The following DNAH1 variants were observed in gnomAD, a reference collection of about 807,000 sequenced individuals.
DNAH1 encodes the protein axonemal beta dynein heavy chain 1.
In DNAH1, 327 loss-of-function variants were observed where a neutral mutation model predicts 484.3. The ratio of observed to expected loss-of-function variants is 0.68; its 90% CI spans 0.62 to 0.74. The LOEUF is 0.74. Ranked by LOEUF, DNAH1 falls within the 30% of genes least tolerant of loss-of-function variation. The pLI, the probability that DNAH1 is intolerant of heterozygous loss-of-function variation, is 0.00. For missense variants in DNAH1, 5,052 were observed against 5,546.8 expected (o/e 0.91, Z 2.83); for synonymous variants, 2,192 against 2,191.9 (o/e 1.00, Z 0.00).
In DNAH1 at chr3:52,322,492, G is replaced by A; in HGVS notation, c.50G>A (p.Gly17Asp). 6.2e-7 allele frequency: 1 copy of A among 1,613,492 alleles called. No homozygotes were observed. Among genetic ancestry groups the A allele is most frequent in the Non-Finnish European group, 8.5e-7 (1 of 1,179,676 alleles). ...KGYSLGRTPQ[G>D]PECSSAPAVQ... ...TATAGCCTGGGAAGGACCCCTCAGG[G>A]CCCAGAGTGCAGCAGTGCTCCTGCA... Residue 17 changes from glycine to aspartate, a missense_variant, in exon 2 of 78, where the codon GGC (glycine) becomes GAC (aspartate). Physicochemically the swap from Gly to Asp is moderately conservative, Grantham distance 94 (BLOSUM62 -1). Around this residue, in one of 4 missense-constraint regions of DNAH1, gnomAD observed 1,263 missense variants for 1,218.8 expected, o/e 1.04. Transcript: ENST00000420323.
Position 52,375,321 on chromosome 3 carries a change from G to A in DNAH1, c.7067G>A (p.Arg2356Gln), listed in dbSNP as rs749361333. 21 of 1,613,060 alleles carry A rather than the reference G, an allele frequency of 1.3e-5. No individual in the cohort carries two copies. The highest frequency in any genetic ancestry group is 5.5e-5 in the South Asian group (5 of 90,810). The change falls in exon 45 of 78, where the codon CGG (arginine) becomes CAG (glutamine). Residue 2356 changes from arginine (R) to glutamine (Q), a missense_variant. By Grantham distance (43) the Arg-to-Gln change is conservative. Around this residue, in one of 4 missense-constraint regions of DNAH1, gnomAD observed 2,929 missense variants for 3,409.4 expected, o/e 0.86. Transcript: ENST00000420323. ...PGGGRNTVTP[R>Q]LMRHFNYLSF... Reference sequence around the variant, plus strand: ...GGAGGCAGGAACACCGTCACCCCGCGGCTGATGCGTCACTTCAACTACCTG... The same window carrying A: ...GGAGGCAGGAACACCGTCACCCCGCAGCTGATGCGTCACTTCAACTACCTG...
At chr3:52,336,906 A>G (rs934266069) in intron 8 of DNAH1, among the ~76,000 whole-genome samples, 1 of 152,194 alleles carries the variant, frequency 6.6e-6, no homozygotes, top group African/African-American at 2.4e-5. Context: ...TGCTTTGGCT[A>G]TGCGGGCTCT....
rs1033108038 is a variant in DNAH1 at position 52,358,347 on chromosome 3, C to T, written c.4087-211C>T. On this transcript the variant is annotated intron_variant, in intron 24 of 77. Transcript: ENST00000420323. The surrounding 1 kb of genome is among the most constrained non-coding windows in gnomAD (Gnocchi z 4.2). ...TCCTTCCCTAAAGCCTGCTTCATGC[C>T]GGGCCTGGGCTGGGGCCTGACCACT... Among the ~76,000 whole-genome samples, 2 of 152,176 alleles carry T rather than the reference C, an allele frequency of 1.3e-5. No individual in the cohort carries two copies. The highest frequency in any genetic ancestry group is 2.4e-5 in the African/African-American group (1 of 41,452).
At chr3:52,342,567 G>A (rs1330295692) in intron 8 of DNAH1, among the ~76,000 whole-genome samples, 1 of 152,206 alleles carries the variant, frequency 6.6e-6, no homozygotes, top group Admixed American at 6.5e-5. Context: ...GCTCACCCCA[G>A]GTCTGGGGAT....
At chr3:52,393,586 C>CG in intron 66 of DNAH1, 101 bp downstream of exon 66, 4 of 1,516,214 alleles carry the variant, frequency 2.6e-6, no homozygotes, top group Non-Finnish European at 3.6e-6. Context: ...ATGAAGGCAC[C>CG]GCGAGAGCAA....
At position 52,381,709 on chromosome 3, in the gene DNAH1, C is replaced by G. The variant is rs1420352389; in HGVS notation, c.7678C>G (p.Leu2560Val). Residue 2560 changes from leucine (L) to valine (V), a missense_variant, in exon 49 of 78, where the codon CTC becomes GTC. Leu to Val is a conservative substitution (Grantham distance 32). Transcript: ENST00000420323. The surrounding 1 kb of genome is among the most constrained non-coding windows in gnomAD (Gnocchi z 4.1). ...QINTAKLKLV[L>V]FMDAMSHICR... ...CAACACGGCCAAGCTGAAGCTGGTC[C>G]TCTTCATGGACGCCATGAGCCACAT... The G allele has an allele frequency of 6.2e-7, 1 of 1,606,968 alleles. No homozygotes were observed. Among genetic ancestry groups the G allele is most frequent in the Non-Finnish European group, 8.5e-7 (1 of 1,177,250 alleles).
In DNAH1 at chr3:52,362,451, A is replaced by G. The variant is rs1702903568; in HGVS notation, c.5044A>G (p.Thr1682Ala). The G allele has an allele frequency of 6.2e-7, 1 of 1,614,016 alleles. No individual in the cohort carries two copies. The highest frequency in any genetic ancestry group is 8.5e-7 in the Non-Finnish European group (1 of 1,179,950). Residue 1682 changes from threonine (T) to alanine (A), a missense_variant, in exon 31 of 78, where the codon ACC (threonine) becomes GCC (alanine). Transcript: ENST00000420323. The surrounding 1 kb of genome is among the most constrained non-coding windows in gnomAD (Gnocchi z 5.1). ...PLVPSCAVFI[T>A]MNPGYAGRTE... The stretch of plus-strand genomic sequence containing the variant: ...GGTGCCATCCTGCGCAGTGTTTATC[A>G]CCATGAACCCGGGCTACGCTGGCCG...
At position 52,373,648 on chromosome 3, in the gene DNAH1, T is replaced by G. The variant is rs543793548; in HGVS notation, c.6985+595T>G. On this transcript the variant is annotated intron_variant, in intron 44 of 77. Transcript: ENST00000420323. ...AGAGAACTTCAAAAACTACCATCCT[T>G]AAAAGATGTTCCTCCTGCTGATCAA... is the stretch of plus-strand genomic sequence containing the variant. The G allele has an allele frequency of 2.8e-6, 4 of 1,412,088 alleles. No homozygotes were observed. The East Asian group carries it at 9.1e-5, about 32-fold the overall frequency. 87.5% of individuals were successfully genotyped at this position (1,412,088 alleles called of 1,614,324 possible).
In DNAH1 at chr3:52,323,866, A is replaced by G; in HGVS notation, c.392A>G (p.Lys131Arg). 1.9e-6 allele frequency: 3 copies of G among 1,577,214 alleles called. No individual in the cohort carries two copies. The highest frequency in any genetic ancestry group is 2.6e-6 in the Non-Finnish European group (3 of 1,161,272). The change falls in exon 3 of 78, where the codon AAG (lysine) becomes AGG (arginine). Residue 131 changes from lysine (K) to arginine (R), a missense_variant. This residue lies in a region of DNAH1 where 1,263 missense variants were observed against 1,218.8 expected (regional missense o/e 1.04). Transcript: ENST00000420323. The part of the protein sequence containing the change: ...QNLLRQADLD[K>R]FTPRVGSFEV... Reference sequence around the variant, plus strand: ...CTCCTGCGGCAGGCTGACCTTGACAAGTTCACCCCAAGAGGTCAGTGCTCA... The same window carrying G: ...CTCCTGCGGCAGGCTGACCTTGACAGGTTCACCCCAAGAGGTCAGTGCTCA...
chr3:52,360,269 C>G, intron 27 of DNAH1, 42 bp from the exon 28 acceptor site: 2 of 1,573,836 alleles, frequency 1.3e-6, no homozygotes, highest in Non-Finnish European at 1.7e-6. Context: ...GCCCAGTGGC[C>G]CATTGCCCCA....
At chr3:52,374,270 C>T (rs768501026) in intron 44 of DNAH1, 51 of 1,518,424 alleles carry the variant, frequency 3.4e-5, no homozygotes, top group Non-Finnish European at 4.5e-5. Context: ...ATTTGCCTTA[C>T]CACTAAAAGA....
At chr3:52,388,040 A>G in intron 56 of DNAH1, 127 bp from the exon 57 acceptor site, 2 of 1,215,840 alleles carry the variant, frequency 1.6e-6, no homozygotes, top group South Asian at 3.1e-5. Context: ...AGGAGAAAGA[A>G]TCTGTACTGA....
intron 9 of DNAH1, 62 bp from the exon 10 acceptor site, chr3:52,345,433 G>C: frequency 7.0e-7 from 1 of 1,422,286 alleles, no homozygotes; most frequent in Non-Finnish European, 9.7e-7. Context: ...CTGTGGATCT[G>C]TCCTGTCCCC....
intron 8 of DNAH1, among the ~76,000 whole-genome samples, chr3:52,343,045 G>A (rs1418746693): frequency 6.6e-6 from 1 of 152,156 alleles, no homozygotes; most frequent in Non-Finnish European, 1.5e-5. Context: ...CAGGGGAAGG[G>A]TGTCCCAGAA....
chr3:52,368,731 G>C lies in DNAH1; in HGVS notation c.5766-10G>C. On this transcript the variant is annotated splice_polypyrimidine_tract_variant and intron_variant, in intron 36 of 77. Transcript: ENST00000420323. This position sits in a 1 kb window ranked among gnomAD's most constrained non-coding sequence, Gnocchi z 4.4. The stretch of plus-strand genomic sequence containing the variant: ...TGATGTTTCCAGCCCTCTCCTCCCT[G>C]GCGCTGCAGGACAGACGGGATATTC... The C allele has an allele frequency of 6.2e-7, 1 of 1,608,948 alleles. No homozygotes were observed.
chr3:52,349,914 C>A, intron 14 of DNAH1, 75 bp from the exon 15 acceptor site: 1 of 1,526,140 alleles, frequency 6.6e-7, no homozygotes, highest in South Asian at 1.2e-5. Context: ...ATGCTGGAGA[C>A]CAAGGAGGAA....
At chr3:52,340,279 A>C (rs986030255) in intron 8 of DNAH1, among the ~76,000 whole-genome samples, 6 of 151,208 alleles carry the variant, frequency 4.0e-5, no homozygotes, top group African/African-American at 1.5e-4. Flanking sequence ...TGGGGGTCTC[A>C]CTTTGTTGCC....
At position 52,392,926 on chromosome 3, in the gene DNAH1, T is replaced by G; in HGVS notation, c.10375T>G (p.Cys3459Gly). The change falls in exon 65 of 78, where the codon TGT becomes GGT. Residue 3459 changes from cysteine to glycine, a missense_variant. Cys to Gly is a radical substitution (Grantham distance 159). Coordinates refer to ENST00000420323, the MANE Select transcript of DNAH1 (RefSeq NM_015512.5). ...CATCCGCACCCAGATCCTCTTCTTC[T>G]GTGTGTCCGACCTGGCCAACGTGGA... ...VAIRTQILFF[C>G]VSDLANVDPM... is the part of the protein sequence containing the mutation. The G allele has an allele frequency of 6.2e-7, 1 of 1,611,486 alleles. No individual in the cohort carries two copies. Among genetic ancestry groups the G allele is most frequent in the Non-Finnish European group, 8.5e-7 (1 of 1,178,858 alleles).
chr3:52,328,096 C>A, intron 6 of DNAH1, 82 bp downstream of exon 6: 4 of 1,559,024 alleles, frequency 2.6e-6, no homozygotes, highest in Non-Finnish European at 2.6e-6. Context: ...CCCCTGGGAC[C>A]TGGCAGCCAC....
Sources: gnomAD v4.1 joint callset for allele counts (sites outside exome capture counted in the v4.1 genomes callset) on GRCh38, gnomAD v4.1.1 for gene constraint, gnomAD v4.1.1 regional missense constraint, Gnocchi (gnomAD v3.1) non-coding constraint, MANE v1.5 for transcripts, NCBI Gene and HGNC (gene_info 2026-07-23, HGNC 2026-07-21) for gene names.